The following PTPN4 variants were observed in gnomAD, a reference collection of about 807,000 sequenced individuals.
The protein encoded by PTPN4 is protein tyrosine phosphatase non-receptor type 4, also known as tyrosine-protein phosphatase non-receptor type 4.
Under a neutral mutation model 135.5 loss-of-function variants are expected in PTPN4, and 49 were observed. The observed-to-expected ratio is 0.36, with a 90% CI of 0.29 to 0.46. The LOEUF (loss-of-function observed/expected upper bound fraction) is 0.46, where lower values mean the gene tolerates loss of function less well. Ranked by LOEUF, PTPN4 falls within the 20% of genes least tolerant of loss-of-function variation. The pLI is 1.00. For missense variants in PTPN4, 860 were observed against 1,101.0 expected (o/e 0.78, Z 3.10); for synonymous variants, 333 against 369.9 (o/e 0.90, Z 1.14).
chr2:119,891,978 T>C (rs1208241872), intron 9 of PTPN4, among the ~76,000 whole-genome samples: 1 of 152,200 alleles, frequency 6.6e-6, no homozygotes, highest in African/African-American at 2.4e-5. Context: ...TTGAGTAGGG[T>C]ACATAGACTT....
chr2:119,783,197 C>T (rs919079332), intron 1 of PTPN4, among the ~76,000 whole-genome samples: 2 of 152,078 alleles, frequency 1.3e-5, no homozygotes, highest in Non-Finnish European at 2.9e-5. Flanking sequence ...TCCATTTGTA[C>T]ATTGATTTAG....
intron 3 of PTPN4, among the ~76,000 whole-genome samples, chr2:119,864,306 T>C (rs926428056): frequency 2.0e-5 from 3 of 152,076 alleles, no homozygotes; most frequent in Non-Finnish European, 4.4e-5. Flanking sequence ...GTGACTGCTG[T>C]TACTTTTTAA....
chr2:119,764,981 TC>T, intron 1 of PTPN4, among the ~76,000 whole-genome samples: 1 of 152,146 alleles, frequency 6.6e-6, no homozygotes, highest in East Asian at 1.9e-4. Flanking sequence ...GACTTTGGAG[TC>T]AAATCTGGTG....
chr2:119,877,521 A>G lies in PTPN4; in HGVS notation c.347A>G (p.Lys116Arg), dbSNP rs1413225657. Reference sequence around the variant, plus strand: ...AAATTTTTTGTAAGTGACCCCAACAAGTTACAAGAAGAATATACAAGGTGG... The same window carrying G: ...AAATTTTTTGTAAGTGACCCCAACAGGTTACAAGAAGAATATACAAGGTGG... ...RVKFFVSDPN[K>R]LQEEYTRYQY... The change falls in exon 5 of 27, where the codon AAG becomes AGG. Residue 116 changes from lysine (K) to arginine (R), a missense_variant. Lys to Arg is a conservative substitution (Grantham distance 26). Coordinates refer to ENST00000263708, the MANE Select transcript of PTPN4 (RefSeq NM_002830.4). 6.2e-7 allele frequency: 1 copy of G among 1,609,636 alleles called. No homozygotes were observed. Among genetic ancestry groups the G allele is most frequent in the African/African-American group, 1.3e-5 (1 of 74,792 alleles).
intron 1 of PTPN4, among the ~76,000 whole-genome samples, chr2:119,774,374 T>G (rs1690792773): frequency 6.6e-6 from 1 of 152,210 alleles, no homozygotes; most frequent in South Asian, 2.1e-4. Context: ...TTTTTTGTTT[T>G]GTTTTTGTTT....
chr2:119,949,508 A>T (rs1253067135), intron 18 of PTPN4, among the ~76,000 whole-genome samples: 2 of 152,088 alleles, frequency 1.3e-5, no homozygotes, highest in Non-Finnish European at 2.9e-5. Context: ...CTGTTTGATA[A>T]TCTTAGCCAA....
intron 1 of PTPN4, among the ~76,000 whole-genome samples, chr2:119,786,994 A>T (rs371937461): frequency 2.9e-4 from 44 of 152,192 alleles, no homozygotes; most frequent in African/African-American, 1.0e-3. Flanking sequence ...ACACCTTATT[A>T]TACCTTTATG....
rs1009931877 is a variant in PTPN4, at chr2:119,911,385, A to G, written c.765-3794A>G. ...CAGTATAATTAACCATACTGTTATA[A>G]TAACATAGAAAAACCATTTGAGCAT... On this transcript the variant is annotated intron_variant, in intron 10 of 26. Coordinates refer to ENST00000263708, the MANE Select transcript of PTPN4 (RefSeq NM_002830.4). Among the ~76,000 whole-genome samples, 11 of 152,170 alleles carry G rather than the reference A, an allele frequency of 7.2e-5. No homozygotes were observed. The East Asian group carries it at 7.7e-4, about 11-fold the overall frequency.
chr2:119,859,841 G>A (rs538670372), intron 2 of PTPN4, among the ~76,000 whole-genome samples: 1 of 152,258 alleles, frequency 6.6e-6, no homozygotes, highest in African/African-American at 2.4e-5. Flanking sequence ...TTTGATTTCC[G>A]TGGACACTAG....
At chr2:119,939,004 C>A (rs947975986) in intron 15 of PTPN4, among the ~76,000 whole-genome samples, 1 of 152,126 alleles carries the variant, frequency 6.6e-6, no homozygotes, top group Non-Finnish European at 1.5e-5. Context: ...ATTAGGTGAC[C>A]TTTGGTGAGT....
At chr2:119,950,177 C>T (rs1179124377) in intron 18 of PTPN4, among the ~76,000 whole-genome samples, 5 of 152,088 alleles carry the variant, frequency 3.3e-5, no homozygotes, top group Non-Finnish European at 4.4e-5. Context: ...TCTGCTATAG[C>T]CCATTATTAC....
At chr2:119,833,484 T>A (rs1677248350) in intron 2 of PTPN4, among the ~76,000 whole-genome samples, 1 of 152,180 alleles carries the variant, frequency 6.6e-6, no homozygotes, top group Non-Finnish European at 1.5e-5. Flanking sequence ...AAGTTTGTAA[T>A]CTCTATAGTT....
At chr2:119,864,967 T>C (rs1677811787) in intron 3 of PTPN4, among the ~76,000 whole-genome samples, 1 of 152,144 alleles carries the variant, frequency 6.6e-6, no homozygotes, top group African/African-American at 2.4e-5. Flanking sequence ...TTATCTAGCC[T>C]CACACTCTAA....
At chr2:119,762,318 A>T (rs1269490701) in intron 1 of PTPN4, among the ~76,000 whole-genome samples, 1 of 152,032 alleles carries the variant, frequency 6.6e-6, no homozygotes, top group Non-Finnish European at 1.5e-5. Flanking sequence ...AATTTACGTG[A>T]GATGGTAATA....
intron 1 of PTPN4, among the ~76,000 whole-genome samples, chr2:119,781,405 T>C (rs897171670): frequency 3.9e-5 from 6 of 152,226 alleles, no homozygotes; most frequent in East Asian, 1.9e-4. Flanking sequence ...TGACCTCTTG[T>C]GTCCTGTAGC....
Position 119,978,461 on chromosome 2 carries a change from T to C in PTPN4, c.*1391T>C, listed in dbSNP as rs935347412. 1 of 152,150 alleles carries C rather than the reference T, an allele frequency of 6.6e-6. No individual in the cohort carries two copies. Among genetic ancestry groups the C allele is most frequent in the Non-Finnish European group, 1.5e-5 (1 of 68,006 alleles). The allele number at this position is 152,150 out of a possible 1,614,324, so 9.4% of individuals were successfully genotyped here. On this transcript the variant is annotated 3_prime_UTR_variant, in exon 27 of 27. Transcript: ENST00000263708. ...TTTGTGTACAATTAAATTATTCCATTTTATATATACTTATTAAGTTATAAG... is the reference window on the plus strand; with the variant it reads ...TTTGTGTACAATTAAATTATTCCATCTTATATATACTTATTAAGTTATAAG...
chr2:119,855,709 C>T lies in PTPN4; in HGVS notation c.139-6827C>T, dbSNP rs559532715. Among the ~76,000 whole-genome samples, 3 of 152,264 alleles carry T rather than the reference C, an allele frequency of 2.0e-5. No homozygotes were observed. The South Asian group carries it at 6.2e-4, about 32-fold the overall frequency. On this transcript the variant is annotated intron_variant, in intron 2 of 26. Coordinates refer to ENST00000263708, the MANE Select transcript of PTPN4 (RefSeq NM_002830.4). ...TGTCAGTCCAGATGTCTCCAGTTCC[C>T]CCACAGATCTGTAAGCTGCTACTAT... is the stretch of plus-strand genomic sequence containing the variant.
chr2:119,795,896 G>A (rs1251175255), intron 1 of PTPN4, among the ~76,000 whole-genome samples: 3 of 152,332 alleles, frequency 2.0e-5, no homozygotes, highest in African/African-American at 4.8e-5. Context: ...GCTCAGGAGC[G>A]AGGGGAGGCA....
chr2:119,848,300 AG>A (rs1677537473), intron 2 of PTPN4, among the ~76,000 whole-genome samples: 2 of 150,998 alleles, frequency 1.3e-5, no homozygotes, highest in Admixed American at 6.6e-5. Context: ...CAGCCTCCCG[AG>A]TAACTGGGAC....
Sources: allele counts gnomAD v4.1 joint callset (sites outside exome capture counted in the v4.1 genomes callset), GRCh38; gene constraint gnomAD v4.1.1; transcripts MANE v1.5; gene names NCBI Gene and HGNC (gene_info 2026-07-23, HGNC 2026-07-21).